Variants in ELN observed in about 807,000 individuals in gnomAD.
ELN encodes elastin.
In ELN, 65 loss-of-function variants were observed where a neutral mutation model predicts 105.8. The ratio of observed to expected loss-of-function variants is 0.61; its 90% CI spans 0.50 to 0.75. The LOEUF is 0.75. Ranked by LOEUF, ELN falls within the 30% of genes least tolerant of loss-of-function variation. The pLI is 0.00. For missense variants in ELN, 882 were observed against 969.4 expected (o/e 0.91, Z 1.20); for synonymous variants, 368 against 389.2 (o/e 0.95, Z 0.64).
At chr7:74,047,102 A>G (rs1178440796) in intron 12 of ELN, among the ~76,000 whole-genome samples, 1 of 151,332 alleles carries the variant, frequency 6.6e-6, no homozygotes, top group African/African-American at 2.4e-5. Context: ...AAAAAGAAGA[A>G]AAAAAAAATG....
rs1554669592 is a variant in ELN at position 74,042,983 on chromosome 7, G to T, written c.326-1G>T. 1.9e-5 allele frequency: 31 copies of T among 1,614,088 alleles called. No homozygotes were observed. Among genetic ancestry groups the T allele is most frequent in the Non-Finnish European group, 2.5e-5 (30 of 1,180,044 alleles). On this transcript the variant is annotated splice_acceptor_variant, in intron 6 of 32. Coordinates refer to ENST00000252034, the MANE Select transcript of ELN (RefSeq NM_000501.4). LOFTEE classifies it high-confidence loss of function. ...ATGCCTCACCTGTCCTGGCTCTGCA[G>T]GCGCTGGGCTTGGTGGTGTCCCAGG...
In ELN at chr7:74,043,166, C is replaced by T. The variant is rs1013508230; in HGVS notation, c.425C>T (p.Pro142Leu). 2.0e-5 allele frequency: 32 copies of T among 1,591,830 alleles called. No individual in the cohort carries two copies. Among genetic ancestry groups the T allele is most frequent in the Non-Finnish European group, 2.7e-5 (31 of 1,168,782 alleles). Residue 142 changes from proline to leucine, a missense_variant and splice_region_variant, in exon 8 of 33, where the codon CCG becomes CTG. Transcript: ENST00000252034. ...PGAGVKPGKV[P>L]GVGLPGVYPG... ...GCCGGAGTGAAGCCTGGGAAAGTGCCGGGTCAGTGCGGAATCCCTGGGGCT... is the reference window on the plus strand; with the variant it reads ...GCCGGAGTGAAGCCTGGGAAAGTGCTGGGTCAGTGCGGAATCCCTGGGGCT...
At chr7:74,038,781 A>G (rs782504009) in intron 4 of ELN, among the ~76,000 whole-genome samples, 6 of 152,270 alleles carry the variant, frequency 3.9e-5, no homozygotes, top group Non-Finnish European at 8.8e-5. Flanking sequence ...TTGATAATCC[A>G]AGTGCAAATG....
Position 74,041,076 on chromosome 7 carries a change from C to T in ELN, c.197-140C>T, listed in dbSNP as rs1446925076. The T allele has an allele frequency of 1.6e-5, 17 of 1,034,724 alleles. No individual in the cohort carries two copies. The Admixed American group carries it at 1.9e-4, about 11-fold the overall frequency. 64.1% of individuals were successfully genotyped at this position (1,034,724 alleles called of 1,614,324 possible). A position where few individuals can be genotyped will look rare whatever the true frequency, so the allele number is the denominator to read the frequency against. On this transcript the variant is annotated intron_variant, in intron 4 of 32. Transcript: ENST00000252034. ...CTGGTGGATGCTATTTTATCAGGAT[C>T]GACCCTGAGCATCACAGGCTTAGGG...
intron 17 of ELN, 73 bp downstream of exon 17, chr7:74,052,056 C>T: frequency 6.4e-7 from 1 of 1,569,782 alleles, no homozygotes. Context: ...AGCCGCAAAG[C>T]CAGATGGACT....
chr7:74,052,854 GGAGA>G (rs1212730169), intron 17 of ELN: 4 of 396,864 alleles, frequency 1.0e-5, no homozygotes, highest in African/African-American at 4.3e-5. Context: ...AGAGAGGGAG[GGAGA>G]GAGAAAGAAA....
At position 74,042,966 on chromosome 7, in the gene ELN, C is replaced by T. The variant is rs782625030; in HGVS notation, c.326-18C>T. 11 of 1,614,088 alleles carry T rather than the reference C, an allele frequency of 6.8e-6. No homozygotes were observed. The highest frequency in any genetic ancestry group is 6.7e-5 in the Admixed American group (4 of 60,010). Reference sequence around the variant, plus strand: ...CCACTGTTCCTTACGCAATGCCTCACCTGTCCTGGCTCTGCAGGCGCTGGG... The same window carrying T: ...CCACTGTTCCTTACGCAATGCCTCATCTGTCCTGGCTCTGCAGGCGCTGGG... On this transcript the variant is annotated intron_variant, in intron 6 of 32. Transcript: ENST00000252034.
intron 26 of ELN, among the ~76,000 whole-genome samples, chr7:74,062,750 C>T (rs567865859): frequency 3.3e-5 from 5 of 152,236 alleles, no homozygotes; most frequent in East Asian, 1.9e-4. Context: ...AGGGTTTCAC[C>T]GTGTTGGCCA....
At chr7:74,061,574 C>T (rs370821459) in intron 26 of ELN, among the ~76,000 whole-genome samples, 149 of 152,248 alleles carry the variant, frequency 9.8e-4, no homozygotes, top group African/African-American at 3.4e-3. Flanking sequence ...ATCGCTTGAA[C>T]CCAGGAGATG....
At chr7:74,040,250 C>T (rs542301756) in intron 4 of ELN, among the ~76,000 whole-genome samples, 2 of 152,356 alleles carry the variant, frequency 1.3e-5, no homozygotes, top group African/African-American at 4.8e-5. Flanking sequence ...CCTCTCAGAG[C>T]TCAGGAAACA....
At chr7:74,065,875 C>A in intron 30 of ELN, 69 bp from the exon 31 acceptor site, 4 of 1,612,872 alleles carry the variant, frequency 2.5e-6, no homozygotes, top group Non-Finnish European at 3.4e-6. Context: ...TAACCCAGAA[C>A]CCAGCAGGGA....
intron 19 of ELN, 56 bp downstream of exon 19, chr7:74,054,825 A>G (rs1794904292): frequency 1.9e-6 from 3 of 1,598,320 alleles, no homozygotes; most frequent in Non-Finnish European, 2.6e-6. Flanking sequence ...ACTTGCCAGA[A>G]CTAAAGGACC....
intron 5 of ELN, among the ~76,000 whole-genome samples, chr7:74,042,229 G>A (rs1791389836): frequency 6.6e-6 from 1 of 151,272 alleles, no homozygotes; most frequent in African/African-American, 2.4e-5. Context: ...AGACCAGCCT[G>A]GGCAACATGG....
chr7:74,028,250 C>G lies in ELN; in HGVS notation c.63C>G (p.Leu21=). 6.2e-7 allele frequency: 1 copy of G among 1,609,734 alleles called. No homozygotes were observed. The highest frequency in any genetic ancestry group is 8.5e-7 in the Non-Finnish European group (1 of 1,179,602). ...TCCTCCTGCTCCTGCTGTCCATCCT[C>G]CACCCCTCTCGGCCTGGAGGTAAGG... ...PGVLLLLLSI[L]HPSRPGGVPG... The change falls in exon 1 of 33, where the codon CTC becomes CTG. Residue 21 remains leucine, a synonymous_variant. Coordinates refer to ENST00000252034, the MANE Select transcript of ELN (RefSeq NM_000501.4).
At chr7:74,034,081 G>A (rs1789334791) in intron 1 of ELN, among the ~76,000 whole-genome samples, 1 of 152,198 alleles carries the variant, frequency 6.6e-6, no homozygotes, top group African/African-American at 2.4e-5. Flanking sequence ...TATTCACTGT[G>A]CTCATTCATG....
intron 8 of ELN, chr7:74,043,432 C>G: frequency 1.4e-6 from 1 of 706,378 alleles, no homozygotes; most frequent in Admixed American, 2.0e-5. Context: ...GATGGGGAAA[C>G]TGAGGCTCAA....
intron 21 of ELN, among the ~76,000 whole-genome samples, chr7:74,057,022 G>A (rs1316349192): frequency 6.6e-6 from 1 of 152,108 alleles, no homozygotes; most frequent in Non-Finnish European, 1.5e-5. Flanking sequence ...TGGATCCCTT[G>A]AGGCCAGGAG....
intron 20 of ELN, 45 bp from the exon 21 acceptor site, chr7:74,056,627 C>T: frequency 6.2e-7 from 1 of 1,613,674 alleles, no homozygotes; most frequent in Non-Finnish European, 8.5e-7. Flanking sequence ...GGAGGAGACC[C>T]AGGCACGGCT....
chr7:74,052,829 G>T, intron 17 of ELN: 1 of 326,270 alleles, frequency 3.1e-6, no homozygotes, highest in Non-Finnish European at 5.7e-6. Flanking sequence ...AGAAAAGAGG[G>T]AGGGAGGGAG....
Sources: allele counts gnomAD v4.1 joint callset (sites outside exome capture counted in the v4.1 genomes callset), GRCh38; gene constraint gnomAD v4.1.1; transcripts MANE v1.5; gene names NCBI Gene and HGNC (gene_info 2026-07-23, HGNC 2026-07-21).